The following MAP3K20 variants were observed in gnomAD, a reference collection of about 807,000 sequenced individuals.
The protein encoded by MAP3K20 is mitogen-activated protein kinase kinase kinase 20, also known as HCCS-4.
MAP3K20 carries 40 observed loss-of-function variants against 85.7 expected under a neutral mutation model. The observed-to-expected ratio is 0.47, with a 90% CI of 0.36 to 0.61. MAP3K20 has a LOEUF of 0.61. Among genes scored for constraint, MAP3K20 ranks in the 20% least tolerant of loss-of-function variants. The probability of loss-of-function intolerance (pLI) is 0.00; values close to 1 mark genes in which losing one functional copy is unlikely to be tolerated. For synonymous variants in MAP3K20, 325 were observed against 327.7 expected (o/e 0.99, Z 0.09); for missense variants, 817 against 961.7 (o/e 0.85, Z 1.99).
chr2:173,178,469 C>T (rs1275268610), intron 3 of MAP3K20, among the ~76,000 whole-genome samples: 3 of 152,040 alleles, frequency 2.0e-5, no homozygotes, highest in Non-Finnish European at 4.4e-5. Flanking sequence ...CATAGCGAAA[C>T]CCCATCTCTA....
intron 2 of MAP3K20, among the ~76,000 whole-genome samples, chr2:173,167,538 C>A (rs1191973396): frequency 6.6e-6 from 1 of 151,980 alleles, no homozygotes; most frequent in Non-Finnish European, 1.5e-5. Context: ...TATATAAGAA[C>A]CTAAAATCTT....
intron 1 of MAP3K20, among the ~76,000 whole-genome samples, chr2:173,076,588 A>G (rs990307933): frequency 6.6e-6 from 1 of 152,252 alleles, no homozygotes; most frequent in African/African-American, 2.4e-5. Flanking sequence ...TTCCTCACAC[A>G]ATTAGGCCAT....
At chr2:173,162,731 G>A (rs1346423701) in intron 2 of MAP3K20, among the ~76,000 whole-genome samples, 1 of 151,830 alleles carries the variant, frequency 6.6e-6, no homozygotes, top group Non-Finnish European at 1.5e-5. Flanking sequence ...AGAGATCAGG[G>A]TCCGTGGAGT....
At chr2:173,203,479 TATATTTA>T (rs1024358435) in intron 8 of MAP3K20, among the ~76,000 whole-genome samples, 8 of 152,212 alleles carry the variant, frequency 5.3e-5, no homozygotes, top group East Asian at 1.9e-4. Context: ...CATATGGTTT[TATATTTA>T]ATATTTAAGT....
At chr2:173,157,317 T>C (rs1689506373) in intron 2 of MAP3K20, among the ~76,000 whole-genome samples, 1 of 113,894 alleles carries the variant, frequency 8.8e-6, no homozygotes, top group Non-Finnish European at 1.9e-5. Context: ...AGTTAGGGTT[T>C]GGTACCTTTT....
intron 2 of MAP3K20, among the ~76,000 whole-genome samples, chr2:173,111,544 T>G (rs1574023540): frequency 6.6e-6 from 1 of 152,246 alleles, no homozygotes; most frequent in East Asian, 1.9e-4. Flanking sequence ...TTCTAGAATT[T>G]TTATAGTTTC....
At chr2:173,099,400 G>T (rs562247013) in intron 2 of MAP3K20, among the ~76,000 whole-genome samples, 95 of 149,300 alleles carry the variant, frequency 6.4e-4, no homozygotes, top group African/African-American at 2.3e-3. Flanking sequence ...GCTCACTCTA[G>T]CCTCGAACTC....
chr2:173,169,846 G>A lies in MAP3K20; in HGVS notation c.201G>A (p.Gln67=). 6.2e-7 allele frequency: 1 copy of A among 1,613,958 alleles called. No homozygotes were observed. Reference sequence around the variant, plus strand: ...TCCTCAGTCACAGAAACATCATCCAGTTTTATGGAGTAATTCTTGAACCTC... The same window carrying A: ...TCCTCAGTCACAGAAACATCATCCAATTTTATGGAGTAATTCTTGAACCTC... ...LSVLSHRNII[Q]FYGVILEPPN... Residue 67 remains glutamine, a synonymous_variant, in exon 3 of 20, where the codon CAG becomes CAA. Coordinates refer to ENST00000375213, the MANE Select transcript of MAP3K20 (RefSeq NM_016653.3).
In MAP3K20 at chr2:173,224,167, A is replaced by G. The variant is rs569275663; in HGVS notation, c.988-5522A>G. The G allele has an allele frequency of 1.7e-5, 15 of 875,266 alleles. No individual in the cohort carries two copies. The Admixed American group carries it at 3.7e-4, about 22-fold the overall frequency. 54.2% of individuals were successfully genotyped at this position (875,266 alleles called of 1,614,324 possible). On this transcript the variant is annotated intron_variant, in intron 11 of 19. Transcript: ENST00000375213. Reference sequence around the variant, plus strand: ...GAAGCCGGGAAGGAGGACAAGGCCCATGGGTGGGTGTTGAGGTTTTTAAAG... The same window carrying G: ...GAAGCCGGGAAGGAGGACAAGGCCCGTGGGTGGGTGTTGAGGTTTTTAAAG...
intron 11 of MAP3K20, chr2:173,221,681 A>G (rs1684255319): frequency 1.5e-6 from 2 of 1,330,734 alleles, no homozygotes; most frequent in Non-Finnish European, 1.9e-6. Flanking sequence ...TTTCTTATCA[A>G]TTCTACTTTT....
chr2:173,116,195 G>T (rs893891934), intron 2 of MAP3K20, among the ~76,000 whole-genome samples: 8 of 152,038 alleles, frequency 5.3e-5, no homozygotes, highest in Admixed American at 1.3e-4. Context: ...ATATATTCAT[G>T]CTGTACAACA....
intron 2 of MAP3K20, among the ~76,000 whole-genome samples, chr2:173,104,813 G>T (rs1379142026): frequency 6.6e-6 from 1 of 152,158 alleles, no homozygotes; most frequent in Non-Finnish European, 1.5e-5. Context: ...GTTGGTCAGG[G>T]TAGGCCTCAC....
chr2:173,121,338 C>T (rs568794790), intron 2 of MAP3K20, among the ~76,000 whole-genome samples: 3 of 152,238 alleles, frequency 2.0e-5, no homozygotes, highest in South Asian at 4.1e-4. Flanking sequence ...TAAGGCATTC[C>T]GTGAGGCAAC....
chr2:173,144,824 A>G (rs898112380), intron 2 of MAP3K20, among the ~76,000 whole-genome samples: 1 of 152,216 alleles, frequency 6.6e-6, no homozygotes, highest in African/African-American at 2.4e-5. Context: ...GAGGATTCAC[A>G]TTACCTGATT....
chr2:173,149,633 C>G (rs4972397), intron 2 of MAP3K20, among the ~76,000 whole-genome samples: 65,815 of 151,764 alleles, frequency 0.43, 16,574 homozygotes, highest in South Asian at 0.64. Flanking sequence ...TGGTAAAAGA[C>G]CAGGACCTAA....
At chr2:173,178,213 C>T (rs1690221793) in intron 3 of MAP3K20, among the ~76,000 whole-genome samples, 1 of 152,074 alleles carries the variant, frequency 6.6e-6, no homozygotes, top group African/African-American at 2.4e-5. Flanking sequence ...ATGGCTCCTG[C>T]AGAAGTTTAT....
At chr2:173,079,234 C>T (rs1200834096) in intron 1 of MAP3K20, among the ~76,000 whole-genome samples, 2 of 151,948 alleles carry the variant, frequency 1.3e-5, no homozygotes, top group African/African-American at 2.4e-5. Context: ...GTATTTCTAT[C>T]GAAAAATAGA....
At chr2:173,216,991 G>A in intron 10 of MAP3K20, 124 bp from the exon 11 acceptor site, 1 of 963,976 alleles carries the variant, frequency 1.0e-6, no homozygotes, top group Non-Finnish European at 1.4e-6. Context: ...TCCTCCGGCA[G>A]TTACCTGGTT....
rs774933625 is a variant in MAP3K20, at chr2:173,191,096, T to C, written c.501T>C (p.Val167=). The C allele has an allele frequency of 6.2e-7, 1 of 1,614,106 alleles. No individual in the cohort carries two copies. Among genetic ancestry groups the C allele is most frequent in the East Asian group, 2.2e-5 (1 of 44,870 alleles). Residue 167 remains valine (V), a synonymous_variant, in exon 7 of 20, where the codon GTT becomes GTC. Transcript: ENST00000375213. ...ACCATACAACACACATGTCCTTGGT[T>C]GGAACTTTCCCATGGATGGCTCCAG... The part of the protein sequence containing the change: ...FHNHTTHMSL[V]GTFPWMAPEV...
Sources: allele counts gnomAD v4.1 joint callset (sites outside exome capture counted in the v4.1 genomes callset), GRCh38; gene constraint gnomAD v4.1.1; transcripts MANE v1.5; gene names NCBI Gene and HGNC (gene_info 2026-07-23, HGNC 2026-07-21).